TGFA: variants seen among roughly 807,000 people sequenced by gnomAD.
TGFA encodes protransforming growth factor alpha.
In TGFA, 12 loss-of-function variants were observed where a neutral mutation model predicts 21.7. That is an observed-to-expected ratio of 0.55 (90% CI 0.35 to 0.90). The LOEUF is 0.90. Ranked by LOEUF, TGFA falls within the 40% of genes least tolerant of loss-of-function variation. TGFA has a pLI of 0.01. For missense variants in TGFA, 178 were observed against 210.8 expected (o/e 0.84, Z 0.96); for synonymous variants, 79 against 88.1 (o/e 0.90, Z 0.58).
chr2:70,488,486 A>G (rs1361557772), intron 2 of TGFA, among the ~76,000 whole-genome samples: 1 of 152,198 alleles, frequency 6.6e-6, no homozygotes, highest in Non-Finnish European at 1.5e-5. Flanking sequence ...TCATAGGCTA[A>G]TAACTCACTT....
intron 2 of TGFA, among the ~76,000 whole-genome samples, chr2:70,512,606 G>A (rs1553501076): frequency 6.6e-6 from 1 of 152,224 alleles, no homozygotes; most frequent in Non-Finnish European, 1.5e-5. Context: ...ATGGAACAGA[G>A]GTTGTTCACG....
At chr2:70,550,369 AC>A (rs1341647601) in intron 1 of TGFA, among the ~76,000 whole-genome samples, 1 of 152,110 alleles carries the variant, frequency 6.6e-6, no homozygotes, top group Non-Finnish European at 1.5e-5. Flanking sequence ...TTCCCACTTT[AC>A]AGATGACAAA....
chr2:70,460,375 C>CT (rs1436195426), intron 3 of TGFA, among the ~76,000 whole-genome samples: 26 of 94,152 alleles, frequency 2.8e-4, no homozygotes, highest in East Asian at 1.2e-3. Flanking sequence ...TGGTGACATA[C>CT]TTTTTTTAAA....
intron 2 of TGFA, among the ~76,000 whole-genome samples, chr2:70,494,277 C>T (rs1671515574): frequency 6.6e-6 from 1 of 152,200 alleles, no homozygotes; most frequent in Non-Finnish European, 1.5e-5. Flanking sequence ...GGTCCTTAAC[C>T]CCACCTGCAA....
At chr2:70,454,278 G>A (rs75524387) in intron 4 of TGFA, among the ~76,000 whole-genome samples, 5,573 of 152,286 alleles carry the variant, frequency 0.037, 283 homozygotes, top group African/African-American at 0.13. Context: ...TCCCATCCCA[G>A]CCCCTGTCTT....
chr2:70,475,736 C>A (rs1670900817), intron 2 of TGFA, among the ~76,000 whole-genome samples: 1 of 152,120 alleles, frequency 6.6e-6, no homozygotes, highest in Non-Finnish European at 1.5e-5. Flanking sequence ...TCAGTGGAAT[C>A]ATGTTAAGTG....
chr2:70,474,002 C>T (rs1371974964), intron 2 of TGFA, among the ~76,000 whole-genome samples: 1 of 152,168 alleles, frequency 6.6e-6, no homozygotes, highest in African/African-American at 2.4e-5. Flanking sequence ...TAAAAGAGAA[C>T]ATATTTTTCC....
chr2:70,458,410 C>T (rs1245950530), intron 3 of TGFA, among the ~76,000 whole-genome samples: 1 of 152,148 alleles, frequency 6.6e-6, no homozygotes, highest in Non-Finnish European at 1.5e-5. Context: ...ATCTAGCCCT[C>T]TCTCCTGCAG....
chr2:70,553,311 G>T, intron 1 of TGFA: 1 of 1,513,602 alleles, frequency 6.6e-7, no homozygotes, highest in Non-Finnish European at 8.8e-7. Context: ...CCCGGCCAGA[G>T]GGTTAGACGC....
intron 2 of TGFA, among the ~76,000 whole-genome samples, chr2:70,478,800 C>CT (rs782557535): frequency 6.6e-6 from 1 of 152,006 alleles, no homozygotes; most frequent in Non-Finnish European, 1.5e-5. Flanking sequence ...AGTAGGTTGC[C>CT]TTTTTTGTCT....
intron 2 of TGFA, among the ~76,000 whole-genome samples, chr2:70,501,287 C>A (rs1553499109): frequency 6.7e-6 from 1 of 148,190 alleles, no homozygotes; most frequent in Non-Finnish European, 1.5e-5. Flanking sequence ...TCCAGGGAAA[C>A]TTCTTCAGTG....
At chr2:70,511,653 A>G (rs1364428370) in intron 2 of TGFA, among the ~76,000 whole-genome samples, 1 of 152,192 alleles carries the variant, frequency 6.6e-6, no homozygotes. Context: ...AAAAGGCTTT[A>G]TCTGTTACGT....
chr2:70,462,477 T>A (rs190285083), intron 3 of TGFA, among the ~76,000 whole-genome samples: 2 of 152,238 alleles, frequency 1.3e-5, no homozygotes, highest in Non-Finnish European at 2.9e-5. Flanking sequence ...ACCAGTGTCA[T>A]GTTGCTGTCG....
intron 3 of TGFA, among the ~76,000 whole-genome samples, chr2:70,460,382 TA>T (rs67107612): frequency 2.4e-4 from 36 of 150,860 alleles, no homozygotes; most frequent in Non-Finnish European, 3.3e-4. Flanking sequence ...ATACTTTTTT[TA>T]AAAAAAAAAC....
chr2:70,508,570 TAGA>T (rs1294671456), intron 2 of TGFA, among the ~76,000 whole-genome samples: 1 of 152,182 alleles, frequency 6.6e-6, no homozygotes, highest in Non-Finnish European at 1.5e-5. Context: ...CTGGAAATTA[TAGA>T]AGAAGTGATA....
rs1574059403 is a variant in TGFA, at chr2:70,448,329, T to A, written c.*2530A>T. The A allele has an allele frequency of 6.6e-6, 1 of 152,206 alleles. No homozygotes were observed. Among genetic ancestry groups the A allele is most frequent in the Admixed American group, 6.5e-5 (1 of 15,276 alleles). 9.4% of individuals were successfully genotyped at this position (152,206 alleles called of 1,614,324 possible). A position where few individuals can be genotyped will look rare whatever the true frequency, so the allele number is the denominator to read the frequency against. ...TTTTAAAAAATGTTTGTTATTTTTT[T>A]AAATGGGGGCTTTTCATTGTCTCCT... On this transcript the variant is annotated 3_prime_UTR_variant, in exon 6 of 6. Coordinates refer to ENST00000295400, the MANE Select transcript of TGFA (RefSeq NM_003236.4).
intron 2 of TGFA, among the ~76,000 whole-genome samples, chr2:70,476,399 G>C (rs1204219785): frequency 2.0e-5 from 3 of 152,214 alleles, no homozygotes; most frequent in African/African-American, 7.2e-5. Context: ...GCCCAGTCCT[G>C]CTGGATGGGG....
At chr2:70,482,911 A>C (rs562497794) in intron 2 of TGFA, among the ~76,000 whole-genome samples, 3 of 152,314 alleles carry the variant, frequency 2.0e-5, no homozygotes, top group African/African-American at 7.2e-5. Context: ...ATGCGAATAC[A>C]TCAACAAATG....
At chr2:70,474,994 GT>G (rs1670878938) in intron 2 of TGFA, among the ~76,000 whole-genome samples, 1 of 151,992 alleles carries the variant, frequency 6.6e-6, no homozygotes, top group Non-Finnish European at 1.5e-5. Flanking sequence ...GTGTGTGTGT[GT>G]GTGTGTGTGT....
Sources: gnomAD v4.1 joint callset for allele counts (sites outside exome capture counted in the v4.1 genomes callset) on GRCh38, gnomAD v4.1.1 for gene constraint, MANE v1.5 for transcripts, NCBI Gene and HGNC (gene_info 2026-07-23, HGNC 2026-07-21) for gene names.